Variants in ASTN2 observed in about 807,000 individuals in gnomAD.
ASTN2 encodes astrotactin-2.
Under a neutral mutation model 139.8 loss-of-function variants are expected in ASTN2, and 54 were observed. That is an observed-to-expected ratio of 0.39 (90% CI 0.31 to 0.48). The LOEUF (loss-of-function observed/expected upper bound fraction) is 0.48. Among genes scored for constraint, ASTN2 ranks in the 20% least tolerant of loss-of-function variants. The probability of loss-of-function intolerance (pLI) is 0.95; values close to 1 mark genes in which losing one functional copy is unlikely to be tolerated. For missense variants in ASTN2, 1,565 were observed against 1,725.1 expected, an observed-to-expected ratio of 0.91 and a Z score of 1.64; for synonymous variants, 756 against 719.5, an observed-to-expected ratio of 1.05 and a Z score of -0.81.
At chr9:116,739,130 A>G (rs1187981509) in intron 13 of ASTN2, among the ~76,000 whole-genome samples, 1 of 152,112 alleles carries the variant, frequency 6.6e-6, no homozygotes, top group Non-Finnish European at 1.5e-5. Context: ...AAAATAGTAG[A>G]TCTTGGGCCC....
intron 19 of ASTN2, among the ~76,000 whole-genome samples, chr9:116,495,730 G>A (rs77873412): frequency 0.032 from 4,944 of 152,168 alleles, 111 homozygotes; most frequent in East Asian, 0.075. Context: ...TAAATAAGAA[G>A]GCTGGAATTC....
chr9:116,898,366 C>T (rs978762901), intron 10 of ASTN2, among the ~76,000 whole-genome samples: 3 of 149,886 alleles, frequency 2.0e-5, no homozygotes, highest in Non-Finnish European at 4.4e-5. Context: ...GCTATGATCA[C>T]ACCACTGCAC....
intron 13 of ASTN2, among the ~76,000 whole-genome samples, chr9:116,756,579 C>A (rs1468484846): frequency 2.6e-5 from 4 of 152,058 alleles, no homozygotes; most frequent in African/African-American, 9.7e-5. Context: ...TGGCTTGGGG[C>A]TTAGCTCTGG....
At chr9:116,430,606 C>T (rs1267110724) in intron 22 of ASTN2, among the ~76,000 whole-genome samples, 24 of 152,204 alleles carry the variant, frequency 1.6e-4, no homozygotes, top group Admixed American at 1.5e-3. Flanking sequence ...CACTTCACCT[C>T]CCTAAGCCTC....
intron 5 of ASTN2, among the ~76,000 whole-genome samples, chr9:117,087,739 C>A (rs1347423891): frequency 6.6e-6 from 1 of 152,180 alleles, no homozygotes; most frequent in Non-Finnish European, 1.5e-5. Context: ...ACAACTGCTA[C>A]ACTTATCCTC....
intron 10 of ASTN2, among the ~76,000 whole-genome samples, chr9:116,959,921 T>G (rs542640525): frequency 6.6e-6 from 1 of 152,262 alleles, no homozygotes; most frequent in East Asian, 1.9e-4. Flanking sequence ...CGCAAAGCCC[T>G]GTCAGTCGCG....
intron 17 of ASTN2, among the ~76,000 whole-genome samples, chr9:116,642,354 T>G (rs1329033533): frequency 6.6e-6 from 1 of 152,064 alleles, no homozygotes; most frequent in Non-Finnish European, 1.5e-5. Context: ...TGATTGCTTA[T>G]TTCATGTCTC....
intron 3 of ASTN2, among the ~76,000 whole-genome samples, chr9:117,177,593 C>T (rs1830948806): frequency 2.0e-5 from 3 of 152,268 alleles, no homozygotes; most frequent in African/African-American, 7.2e-5. Flanking sequence ...ACATGGGCCC[C>T]ACATTTTAAA....
At chr9:116,548,160 T>C (rs1322429916) in intron 19 of ASTN2, among the ~76,000 whole-genome samples, 1 of 152,210 alleles carries the variant, frequency 6.6e-6, no homozygotes, top group Non-Finnish European at 1.5e-5. Context: ...CCTGGCTTAA[T>C]GGGGCTGTGT....
intron 19 of ASTN2, among the ~76,000 whole-genome samples, chr9:116,552,498 G>A (rs1010690000): frequency 1.3e-5 from 2 of 152,204 alleles, no homozygotes; most frequent in Non-Finnish European, 2.9e-5. Flanking sequence ...CTCTCTCAGT[G>A]ATTCCTGGGG....
intron 15 of ASTN2, among the ~76,000 whole-genome samples, 199 bp from the exon 16 acceptor site, chr9:116,726,149 C>T (rs1371209531): frequency 6.6e-6 from 1 of 152,110 alleles, no homozygotes; most frequent in Non-Finnish European, 1.5e-5. Flanking sequence ...CTGAGGGGTA[C>T]ATCAGACACG....
chr9:116,865,875 T>G (rs1357991894), intron 10 of ASTN2, among the ~76,000 whole-genome samples: 6 of 152,306 alleles, frequency 3.9e-5, no homozygotes, highest in African/African-American at 1.4e-4. Flanking sequence ...TATTCATTCA[T>G]TCATTCATTT....
At position 116,945,644 on chromosome 9, in the gene ASTN2, T is replaced by C. The variant is rs576409961; in HGVS notation, c.1889+29564A>G. The stretch of plus-strand genomic sequence containing the variant: ...TTCTGCCCTCCCTCCCTTCCTTCCT[T>C]CCACTTTCCTTCTATTAAACACAAG... On this transcript the variant is annotated intron_variant, in intron 10 of 22. Transcript: ENST00000313400. 9.2e-5 allele frequency among the ~76,000 whole-genome samples: 14 copies of C among 152,104 alleles called. No homozygotes were observed. In the South Asian group the frequency reaches 2.9e-3, roughly 32 times the overall value.
intron 3 of ASTN2, among the ~76,000 whole-genome samples, chr9:117,153,506 CATT>C (rs1357260601): frequency 6.6e-6 from 1 of 152,232 alleles, no homozygotes; most frequent in African/African-American, 2.4e-5. Context: ...AGATACATAT[CATT>C]ATCTCTATCT....
At chr9:117,313,282 G>A (rs1828035033) in intron 1 of ASTN2, among the ~76,000 whole-genome samples, 1 of 152,174 alleles carries the variant, frequency 6.6e-6, no homozygotes, top group Admixed American at 6.5e-5. Flanking sequence ...GTTCTGACCT[G>A]GCTCTTCCGT....
chr9:117,344,784 G>T (rs1829164194), intron 1 of ASTN2, among the ~76,000 whole-genome samples: 1 of 152,148 alleles, frequency 6.6e-6, no homozygotes, highest in South Asian at 2.1e-4. Flanking sequence ...TGAGGCAGAG[G>T]GAATACAGGG....
intron 2 of ASTN2, among the ~76,000 whole-genome samples, chr9:117,225,574 T>TATACAC (rs371374987): frequency 6.4e-5 from 5 of 77,986 alleles, no homozygotes; most frequent in East Asian, 1.2e-3. Context: ...TATATATATA[T>TATACAC]ACAGATGAAC....
intron 10 of ASTN2, among the ~76,000 whole-genome samples, chr9:116,920,168 G>T (rs1834562384): frequency 6.6e-6 from 1 of 152,172 alleles, no homozygotes; most frequent in African/African-American, 2.4e-5. Context: ...TTCCTGGACA[G>T]CAGCAGTTTC....
intron 7 of ASTN2, among the ~76,000 whole-genome samples, chr9:117,005,210 G>C (rs1167570717): frequency 7.4e-6 from 1 of 134,702 alleles, no homozygotes; most frequent in Non-Finnish European, 1.6e-5. Context: ...CTCAACCTCT[G>C]AGTAGCTAGG....
Sources: allele counts gnomAD v4.1 joint callset (sites outside exome capture counted in the v4.1 genomes callset), GRCh38; gene constraint gnomAD v4.1.1; transcripts MANE v1.5; gene names NCBI Gene and HGNC (gene_info 2026-07-23, HGNC 2026-07-21).